Variants in MSRA observed in about 807,000 individuals in gnomAD.
MSRA encodes methionine sulfoxide reductase A.
In MSRA, 54 loss-of-function variants were observed where a neutral mutation model predicts 31.3. The observed-to-expected ratio is 1.73, with a 90% CI of 1.39 to 2.17. MSRA has a LOEUF of 2.17. MSRA is among the 30% of genes most tolerant of loss of function. MSRA has a pLI of 0.00. For missense variants in MSRA, 507 were observed against 300.9 expected (o/e 1.69, Z -5.07); for synonymous variants, 169 against 116.5 (o/e 1.45, Z -2.90).
chr8:10,095,707 C>G, intron 1 of MSRA: 1 of 1,051,894 alleles, frequency 9.5e-7, no homozygotes, highest in Non-Finnish European at 1.1e-6. Context: ...TACAGAAAAA[C>G]TCAGAACTTT....
intron 1 of MSRA, among the ~76,000 whole-genome samples, chr8:10,061,526 C>G (rs1802725207): frequency 1.3e-5 from 2 of 152,108 alleles, no homozygotes; most frequent in South Asian, 4.1e-4. Context: ...TTGCACGGAA[C>G]TCGCACAATC....
intron 1 of MSRA, among the ~76,000 whole-genome samples, chr8:10,093,023 T>G (rs1266757848): frequency 6.6e-6 from 1 of 152,208 alleles, no homozygotes; most frequent in East Asian, 1.9e-4. Flanking sequence ...GGTTTCTTTT[T>G]GCATGGTATA....
At position 10,072,459 on chromosome 8, in the gene MSRA, A is replaced by G. The variant is rs1797782203; in HGVS notation, c.142+17801A>G. Among the ~76,000 whole-genome samples the G allele has an allele frequency of 2.6e-5, 4 of 152,008 alleles. No homozygotes were observed. The South Asian group carries it at 6.2e-4, about 24-fold the overall frequency. The stretch of plus-strand genomic sequence containing the variant: ...TCTGGGTCCTTACTCCCTCCCGTTG[A>G]TCTATGGGTCTCCCTCTGTGACATT... On this transcript the variant is annotated intron_variant, in intron 1 of 5. Coordinates refer to ENST00000317173, the MANE Select transcript of MSRA (RefSeq NM_012331.5).
chr8:10,280,420 G>T (rs55965226), intron 3 of MSRA, among the ~76,000 whole-genome samples: 28,886 of 151,998 alleles, frequency 0.19, 3,655 homozygotes, highest in Non-Finnish European at 0.28. Context: ...GATAGTAGCA[G>T]CTCCATTATA....
chr8:10,170,969 C>T (rs138946758), intron 1 of MSRA, among the ~76,000 whole-genome samples: 5 of 152,286 alleles, frequency 3.3e-5, no homozygotes, highest in African/African-American at 7.2e-5. Context: ...GTTGCATAGG[C>T]GTGGTGAGAG....
intron 5 of MSRA, among the ~76,000 whole-genome samples, chr8:10,341,364 T>G (rs1405887999): frequency 6.6e-6 from 1 of 151,356 alleles, no homozygotes; most frequent in Non-Finnish European, 1.5e-5. Context: ...TGGGGGGAGG[T>G]GCCACACGTT....
intron 1 of MSRA, among the ~76,000 whole-genome samples, chr8:10,074,377 C>T (rs1331094684): frequency 6.6e-6 from 1 of 151,892 alleles, no homozygotes; most frequent in Non-Finnish European, 1.5e-5. Flanking sequence ...CTGCCGCACC[C>T]AGCCTGTCTA....
chr8:10,404,831 T>C (rs961313615), intron 5 of MSRA, among the ~76,000 whole-genome samples: 1 of 152,144 alleles, frequency 6.6e-6, no homozygotes, highest in Admixed American at 6.5e-5. Context: ...AGACCATGGA[T>C]GTGGCGTGTC....
chr8:10,391,137 A>G (rs572695296), intron 5 of MSRA, among the ~76,000 whole-genome samples: 1 of 152,342 alleles, frequency 6.6e-6, no homozygotes, highest in Admixed American at 6.5e-5. Context: ...CTATTGGAAG[A>G]ACACTTTTAT....
intron 2 of MSRA, among the ~76,000 whole-genome samples, chr8:10,228,172 T>C (rs574607790): frequency 6.6e-6 from 1 of 152,112 alleles, no homozygotes; most frequent in Non-Finnish European, 1.5e-5. Context: ...ATTTCTGGTC[T>C]CTGCCTATGT....
intron 1 of MSRA, among the ~76,000 whole-genome samples, chr8:10,119,332 C>T (rs972668053): frequency 4.6e-5 from 7 of 152,162 alleles, no homozygotes; most frequent in Non-Finnish European, 7.4e-5. Context: ...GATGGCAGAA[C>T]GCTGTAGGAT....
intron 4 of MSRA, among the ~76,000 whole-genome samples, chr8:10,313,775 A>AT (rs1222325103): frequency 6.6e-6 from 1 of 152,240 alleles, no homozygotes; most frequent in African/African-American, 2.4e-5. Context: ...ATTCTTCCAG[A>AT]TATCGAGTCA....
chr8:10,425,851 A>T (rs1809125280), intron 5 of MSRA, among the ~76,000 whole-genome samples: 1 of 152,162 alleles, frequency 6.6e-6, no homozygotes, highest in Non-Finnish European at 1.5e-5. Flanking sequence ...TGCTATTTGG[A>T]TACAGCTGTA....
At chr8:10,109,161 C>T (rs1267284131) in intron 1 of MSRA, among the ~76,000 whole-genome samples, 1 of 152,130 alleles carries the variant, frequency 6.6e-6, no homozygotes, top group African/African-American at 2.4e-5. Flanking sequence ...AGATAAAATG[C>T]ATATAGTGCC....
chr8:10,095,512 C>T lies in MSRA; in HGVS notation c.142+40854C>T, dbSNP rs570842279. ...GACAGACTGGCACAGCCTGGACCTC[C>T]GCCAAGACTGCTCGGAAGGTTGCCA... is the stretch of plus-strand genomic sequence containing the variant. On this transcript the variant is annotated intron_variant, in intron 1 of 5. Coordinates refer to ENST00000317173, the MANE Select transcript of MSRA (RefSeq NM_012331.5). 895 of 985,396 alleles carry T rather than the reference C, an allele frequency of 9.1e-4. 11 individuals carry two copies. In the South Asian group the frequency reaches 0.02, roughly 22 times the overall value. 61.0% of individuals were successfully genotyped at this position (985,396 alleles called of 1,614,324 possible).
intron 3 of MSRA, among the ~76,000 whole-genome samples, chr8:10,283,828 TATATATATACAC>T (rs1317663467): frequency 8.8e-5 from 6 of 68,562 alleles, no homozygotes; most frequent in African/African-American, 1.1e-4. Context: ...TATATATATA[TATATATATACAC>T]ACACACACAC....
At chr8:10,303,461 G>T (rs1293377958) in intron 4 of MSRA, among the ~76,000 whole-genome samples, 3 of 152,142 alleles carry the variant, frequency 2.0e-5, no homozygotes, top group Non-Finnish European at 4.4e-5. Context: ...TGTTTGTAAT[G>T]GTGGCATCTC....
At chr8:10,390,763 G>A (rs1806691360) in intron 5 of MSRA, among the ~76,000 whole-genome samples, 1 of 152,042 alleles carries the variant, frequency 6.6e-6, no homozygotes, top group East Asian at 1.9e-4. Flanking sequence ...AAGACATTAA[G>A]GATGTTAAAC....
intron 5 of MSRA, among the ~76,000 whole-genome samples, chr8:10,324,767 G>A (rs948193757): frequency 2.0e-5 from 3 of 152,228 alleles, no homozygotes; most frequent in African/African-American, 7.2e-5. Flanking sequence ...GGAAAAGAAG[G>A]AAGACCCCAT....
Sources: allele counts gnomAD v4.1 joint callset (sites outside exome capture counted in the v4.1 genomes callset), GRCh38; gene constraint gnomAD v4.1.1; transcripts MANE v1.5; gene names NCBI Gene and HGNC (gene_info 2026-07-23, HGNC 2026-07-21).